Variants in SPRY3 observed in about 807,000 individuals in gnomAD.
SPRY3 encodes protein sprouty homolog 3.
Under a neutral mutation model 20.2 loss-of-function variants are expected in SPRY3, and 15 were observed. That is an observed-to-expected ratio of 0.74 (90% confidence interval 0.50 to 1.14). The LOEUF is 1.14. Among genes scored for constraint, SPRY3 ranks in the 50% most tolerant of loss-of-function variants. SPRY3 has a pLI of 0.00. For missense variants in SPRY3, 364 were observed against 363.9 expected, an observed-to-expected ratio of 1.00 and a Z score of 0.00; for synonymous variants, 143 against 136.5, an observed-to-expected ratio of 1.05 and a Z score of -0.33.
intron 2 of SPRY3, among the ~76,000 whole-genome samples, chrX:155,747,168 A>G (rs2091231475): frequency 6.6e-6 from 1 of 151,988 alleles, no homozygotes; most frequent in Non-Finnish European, 1.5e-5. Context: ...ACTTCAGCAC[A>G]TAATTATAGA....
At chrX:155,742,441 G>T (rs1340556446) in intron 2 of SPRY3, among the ~76,000 whole-genome samples, 2 of 152,098 alleles carry the variant, frequency 1.3e-5, no homozygotes, top group Non-Finnish European at 2.9e-5. Context: ...CATTAAGATG[G>T]AAAATTAAGA....
chrX:155,704,650 A>T (rs1394129595), intron 2 of SPRY3, among the ~76,000 whole-genome samples: 5 of 151,798 alleles, frequency 3.3e-5, no homozygotes, highest in African/African-American at 1.2e-4. Context: ...AATGACAAAC[A>T]CCAAATTGCA....
exon 2 of SPRY3, chrX:155,782,066 C>T (rs1172014877): frequency 3.0e-5 from 5 of 166,830 alleles, no homozygotes; most frequent in Non-Finnish European, 5.9e-5. Flanking sequence ...CAATGGAACT[C>T]GTAGATCTCA....
intron 1 of SPRY3, among the ~76,000 whole-genome samples, chrX:155,636,669 T>C (rs2067924707): frequency 9.0e-6 from 1 of 110,766 alleles, no homozygotes; most frequent in African/African-American, 3.3e-5. Flanking sequence ...CCCTTATTAT[T>C]TTATATAAAA....
At chrX:155,649,966 A>G (rs1326817352) in intron 1 of SPRY3, among the ~76,000 whole-genome samples, 1 of 111,518 alleles carries the variant, frequency 9.0e-6, no homozygotes, top group Non-Finnish European at 1.9e-5. Context: ...ATTCCTATAT[A>G]CCAATAATAG....
At chrX:155,683,657 T>C (rs2068079924) in intron 2 of SPRY3, among the ~76,000 whole-genome samples, 1 of 111,756 alleles carries the variant, frequency 8.9e-6, no homozygotes. Context: ...ATCTCTGAGA[T>C]ATGCTTGTAT....
At chrX:155,735,968 T>C (rs755723459) in intron 2 of SPRY3, among the ~76,000 whole-genome samples, 1 of 152,104 alleles carries the variant, frequency 6.6e-6, no homozygotes, top group African/African-American at 2.4e-5. Flanking sequence ...CTTAGCATAT[T>C]GTTTGTTTCC....
intron 1 of SPRY3, among the ~76,000 whole-genome samples, chrX:155,615,469 C>T (rs1557348777): frequency 8.9e-6 from 1 of 111,917 alleles, no homozygotes; most frequent in Non-Finnish European, 1.9e-5. Flanking sequence ...CAAAGATGGT[C>T]TTTAAAAGAA....
At chrX:155,661,575 C>G (rs2068009887) in intron 2 of SPRY3, among the ~76,000 whole-genome samples, 1 of 111,718 alleles carries the variant, frequency 9.0e-6, no homozygotes, top group Non-Finnish European at 1.9e-5. Context: ...ATGTATAAAT[C>G]TCTAACAAGA....
At chrX:155,742,690 AT>A (rs2091209260) in intron 2 of SPRY3, among the ~76,000 whole-genome samples, 1 of 152,196 alleles carries the variant, frequency 6.6e-6, no homozygotes, top group African/African-American at 2.4e-5. Context: ...CTCACTCAAA[AT>A]CACACAACCA....
intron 2 of SPRY3, among the ~76,000 whole-genome samples, chrX:155,697,500 TAC>T (rs35884004): frequency 9.9e-4 from 96 of 96,565 alleles, no homozygotes; most frequent in East Asian, 1.9e-3. Flanking sequence ...ATTATACACA[TAC>T]ACACACACAC....
intron 1 of SPRY3, among the ~76,000 whole-genome samples, chrX:155,655,537 G>A (rs1318218232): frequency 9.0e-6 from 1 of 111,309 alleles, no homozygotes; most frequent in Non-Finnish European, 1.9e-5. Context: ...TTTGTATATG[G>A]TGAGAGATAT....
chrX:155,726,161 T>G (rs941097952), intron 2 of SPRY3, among the ~76,000 whole-genome samples: 10 of 152,216 alleles, frequency 6.6e-5, no homozygotes, highest in African/African-American at 2.4e-4. Flanking sequence ...AGTTTTAATT[T>G]GATTGCACTG....
intron 1 of SPRY3, chrX:155,612,851 G>C (rs1444794924): frequency 1.8e-5 from 2 of 112,145 alleles, no homozygotes. Flanking sequence ...AGCAAGGAGA[G>C]TCTCGGGAGG....
intron 3 of SPRY3, 87 bp downstream of exon 2, chrX:155,768,223 GTC>G (rs1300938083): frequency 1.3e-5 from 1 of 78,470 alleles, no homozygotes; most frequent in East Asian, 3.8e-4. Flanking sequence ...ATCCTGTGCT[GTC>G]TCTGTGTGCG....
At chrX:155,736,472 G>A (rs2091170290) in intron 2 of SPRY3, among the ~76,000 whole-genome samples, 1 of 151,752 alleles carries the variant, frequency 6.6e-6, no homozygotes, top group African/African-American at 2.4e-5. Flanking sequence ...ACTCTAGGTT[G>A]GTGGGTTTTT....
chrX:155,711,392 A>G (rs2090985079), intron 2 of SPRY3, among the ~76,000 whole-genome samples: 1 of 151,584 alleles, frequency 6.6e-6, no homozygotes, highest in South Asian at 2.1e-4. Context: ...TAGGTTGTAT[A>G]TATCTAGGAA....
intron 2 of SPRY3, among the ~76,000 whole-genome samples, chrX:155,725,477 A>G (rs777403992): frequency 1.3e-5 from 2 of 152,074 alleles, no homozygotes; most frequent in Non-Finnish European, 2.9e-5. Context: ...TGGGCTATTA[A>G]TTATTGCTTC....
chrX:155,751,675 G>A (rs1311433618), intron 2 of SPRY3, among the ~76,000 whole-genome samples: 1 of 151,010 alleles, frequency 6.6e-6, no homozygotes, highest in East Asian at 1.9e-4. Flanking sequence ...TATGACAAAT[G>A]TTTACTATAT....
Sources: allele counts gnomAD v4.1 joint callset (sites outside exome capture counted in the v4.1 genomes callset), GRCh38; gene constraint gnomAD v4.1.1; transcripts MANE v1.5; gene names NCBI Gene and HGNC (gene_info 2026-07-23, HGNC 2026-07-21).